The following ASTN1 variants were observed in gnomAD, a reference collection of about 807,000 sequenced individuals.
ASTN1 encodes astrotactin 1.
A neutral mutation model predicts 140.7 loss-of-function variants in ASTN1; 41 were observed. The observed-to-expected ratio is 0.29, with a 90% CI of 0.23 to 0.38. The LOEUF is 0.38. Among genes scored for constraint, ASTN1 ranks in the 10% least tolerant of loss-of-function variants. The probability of loss-of-function intolerance (pLI) is 1.00; values close to 1 mark genes in which losing one functional copy is unlikely to be tolerated. For missense variants in ASTN1, 1,479 were observed against 1,678.8 expected (o/e 0.88, Z 2.08); for synonymous variants, 640 against 652.2 (o/e 0.98, Z 0.29).
At chr1:176,963,017 A>T (rs1224700872) in intron 9 of ASTN1, among the ~76,000 whole-genome samples, 1 of 152,200 alleles carries the variant, frequency 6.6e-6, no homozygotes, top group Non-Finnish European at 1.5e-5. Flanking sequence ...TACGAGAAAA[A>T]TGTGCATTCT....
intron 8 of ASTN1, among the ~76,000 whole-genome samples, chr1:177,001,563 C>T (rs1674728680): frequency 6.6e-6 from 1 of 152,152 alleles, no homozygotes; most frequent in South Asian, 2.1e-4. Context: ...AAACACAGGG[C>T]TTTTAAGAAG....
At chr1:177,066,935 T>G (rs1050404334) in intron 1 of ASTN1, among the ~76,000 whole-genome samples, 5 of 152,104 alleles carry the variant, frequency 3.3e-5, no homozygotes, top group African/African-American at 1.2e-4. Context: ...AGTAGTCAAT[T>G]TTTAGCCTCA....
At chr1:177,069,116 A>G (rs1486558138) in intron 1 of ASTN1, among the ~76,000 whole-genome samples, 1 of 152,094 alleles carries the variant, frequency 6.6e-6, no homozygotes, top group African/African-American at 2.4e-5. Flanking sequence ...CCAGCCTATC[A>G]ATTTATAAGG....
chr1:177,046,998 G>A (rs1358679909), intron 2 of ASTN1, among the ~76,000 whole-genome samples: 1 of 152,196 alleles, frequency 6.6e-6, no homozygotes, highest in Non-Finnish European at 1.5e-5. Context: ...TTCCTTGCAA[G>A]GTTGTCTGTC....
chr1:176,954,095 C>T (rs1274989031), intron 11 of ASTN1, among the ~76,000 whole-genome samples: 2 of 152,204 alleles, frequency 1.3e-5, no homozygotes, highest in African/African-American at 4.8e-5. Context: ...CTCCAATCCC[C>T]ACTGCCATCT....
At position 177,070,417 on chromosome 1, in the gene ASTN1, G is replaced by T. The variant is rs533673974; in HGVS notation, c.284-9152C>A. 6.6e-5 allele frequency among the ~76,000 whole-genome samples: 10 copies of T among 152,272 alleles called. No homozygotes were observed. In the South Asian group the frequency reaches 2.1e-3, roughly 32 times the overall value. The stretch of plus-strand genomic sequence containing the variant: ...CTCTATGGCTCTTGCCTTATAAAAT[G>T]AATGGAAAAAAGAATTGAAAATGAC... On this transcript the variant is annotated intron_variant, in intron 1 of 22. Transcript: ENST00000361833.
chr1:176,869,139 G>A, intron 21 of ASTN1, 112 bp from the exon 22 acceptor site: 1 of 706,080 alleles, frequency 1.4e-6, no homozygotes, highest in African/African-American at 1.8e-5. Context: ...ATAAACATAT[G>A]TAGATCATTT....
At chr1:176,964,478 T>A (rs951383129) in intron 9 of ASTN1, among the ~76,000 whole-genome samples, 1 of 152,192 alleles carries the variant, frequency 6.6e-6, no homozygotes, top group African/African-American at 2.4e-5. Flanking sequence ...AAATAAACTG[T>A]TTCAGCTAAG....
intron 16 of ASTN1, among the ~76,000 whole-genome samples, chr1:176,920,210 C>T (rs768477830): frequency 1.8e-4 from 28 of 152,162 alleles, no homozygotes; most frequent in Non-Finnish European, 3.2e-4. Flanking sequence ...GGAACCATCT[C>T]CTGCTTTCTA....
chr1:177,163,501 G>A (rs1647511217), intron 1 of ASTN1, among the ~76,000 whole-genome samples: 1 of 152,120 alleles, frequency 6.6e-6, no homozygotes, highest in Non-Finnish European at 1.5e-5. Context: ...TAATGTATGG[G>A]TTCCAGTACC....
At chr1:177,027,586 T>G (rs570249615) in intron 5 of ASTN1, among the ~76,000 whole-genome samples, 2 of 150,948 alleles carry the variant, frequency 1.3e-5, no homozygotes, top group Non-Finnish European at 2.9e-5. Flanking sequence ...AGCTGCCATA[T>G]TGAACGACTT....
At chr1:176,930,390 A>G (rs1571525979) in intron 16 of ASTN1, among the ~76,000 whole-genome samples, 2 of 152,312 alleles carry the variant, frequency 1.3e-5, no homozygotes, top group South Asian at 4.1e-4. Flanking sequence ...AGAAAAAAGG[A>G]GAGAATTAGG....
Position 176,862,540 on chromosome 1 carries a change from G to A in ASTN1, c.*1744C>T. 2 of 985,454 alleles carry A rather than the reference G, an allele frequency of 2.0e-6. No homozygotes were observed. The highest frequency in any genetic ancestry group is 9.4e-5 in the South Asian group (2 of 21,284). 61.0% of individuals were successfully genotyped at this position (985,454 alleles called of 1,614,324 possible). ...TGGGGCTGAGAGCTTGGACAGTTGT[G>A]TGCCAGATGATACTGAAAACAGAAC... is the stretch of plus-strand genomic sequence containing the variant. On this transcript the variant is annotated 3_prime_UTR_variant, in exon 23 of 23. Transcript: ENST00000361833.
chr1:177,151,006 C>A (rs771136735), intron 1 of ASTN1, among the ~76,000 whole-genome samples: 1 of 151,944 alleles, frequency 6.6e-6, no homozygotes, highest in East Asian at 1.9e-4. Context: ...GTTAATAATG[C>A]GTTCTTGTGT....
chr1:177,112,402 G>A (rs1250582009), intron 1 of ASTN1, among the ~76,000 whole-genome samples: 2 of 152,316 alleles, frequency 1.3e-5, no homozygotes, highest in Middle Eastern at 3.4e-3. Context: ...AGCACCTGGT[G>A]GAGGCTCTGC....
At chr1:177,037,724 T>TCTGATTATTC (rs1676789192) in intron 2 of ASTN1, among the ~76,000 whole-genome samples, 1 of 152,258 alleles carries the variant, frequency 6.6e-6, no homozygotes, top group Non-Finnish European at 1.5e-5. Flanking sequence ...GCATGAATTT[T>TCTGATTATTC]CTGATTATTC....
chr1:177,148,156 C>T (rs543241199), intron 1 of ASTN1, among the ~76,000 whole-genome samples: 50 of 152,216 alleles, frequency 3.3e-4, no homozygotes, highest in Middle Eastern at 6.8e-3. Flanking sequence ...TGGTGGCTCA[C>T]GCCTGTAATC....
Position 176,861,959 on chromosome 1 carries a change from A to G in ASTN1, c.*2325T>C, listed in dbSNP as rs1667982433. On this transcript the variant is annotated 3_prime_UTR_variant, in exon 23 of 23. Coordinates refer to ENST00000361833, the MANE Select transcript of ASTN1 (RefSeq NM_004319.3). Reference sequence around the variant, plus strand: ...CTCTCCCTGGCCTGTCAACTCCCACATCATCCACTTCTGGGCAGGAAGGCA... The same window carrying G: ...CTCTCCCTGGCCTGTCAACTCCCACGTCATCCACTTCTGGGCAGGAAGGCA... 1 of 985,464 alleles carries G rather than the reference A, an allele frequency of 1.0e-6. No homozygotes were observed. The highest frequency in any genetic ancestry group is 1.7e-5 in the African/African-American group (1 of 57,234). The allele number at this position is 985,464 out of a possible 1,614,324, so 61.0% of individuals were successfully genotyped here.
At chr1:176,952,028 T>G (rs1179807476) in intron 11 of ASTN1, among the ~76,000 whole-genome samples, 1 of 152,184 alleles carries the variant, frequency 6.6e-6, no homozygotes, top group Non-Finnish European at 1.5e-5. Context: ...CTAGATTGTC[T>G]GTCCTGAAAG....
Sources: gnomAD v4.1 joint callset for allele counts (sites outside exome capture counted in the v4.1 genomes callset) on GRCh38, gnomAD v4.1.1 for gene constraint, MANE v1.5 for transcripts, NCBI Gene and HGNC (gene_info 2026-07-23, HGNC 2026-07-21) for gene names.